Variants in GSTCD observed in about 807,000 individuals in gnomAD.
GSTCD encodes the protein glutathione S-transferase C-terminal domain-containing protein.
GSTCD carries 44 observed loss-of-function variants against 68.3 expected under a neutral mutation model. The ratio of observed to expected loss-of-function variants is 0.64; its 90% CI spans 0.51 to 0.83. GSTCD has a LOEUF of 0.83. Among genes scored for constraint, GSTCD ranks in the 40% least tolerant of loss-of-function variants. The pLI is 0.00. For synonymous variants in GSTCD, 273 were observed against 255.2 expected (o/e 1.07, Z -0.67); for missense variants, 739 against 735.9 (o/e 1.00, Z -0.05).
intron 5 of GSTCD, among the ~76,000 whole-genome samples, chr4:105,745,602 A>G (rs1005696048): frequency 6.6e-6 from 1 of 152,192 alleles, no homozygotes; most frequent in Non-Finnish European, 1.5e-5. Flanking sequence ...CTCTGAGTAT[A>G]AAAGAGGGTT....
chr4:105,728,958 T>G (rs1156773737), intron 4 of GSTCD, among the ~76,000 whole-genome samples: 7 of 152,168 alleles, frequency 4.6e-5, no homozygotes, highest in Non-Finnish European at 1.0e-4. Flanking sequence ...AGTGGTATTT[T>G]GGGGTATGTG....
intron 7 of GSTCD, 52 bp downstream of exon 7, chr4:105,823,327 G>A (rs367994020): frequency 7.6e-6 from 12 of 1,576,768 alleles, no homozygotes; most frequent in Non-Finnish European, 1.0e-5. Flanking sequence ...ATACAGTTCA[G>A]CTAGCCAAAT....
Position 105,798,962 on chromosome 4 carries a change from A to G in GSTCD, c.1241-23992A>G, listed in dbSNP as rs567648544. Among the ~76,000 whole-genome samples, 37 of 152,332 alleles carry G rather than the reference A, an allele frequency of 2.4e-4. No individual in the cohort carries two copies. The East Asian group carries it at 7.1e-3, about 29-fold the overall frequency. On this transcript the variant is annotated intron_variant, in intron 5 of 11. Transcript: ENST00000515279. ...TAGAGGGCTAGTTTATCTACATTGA[A>G]AAATCTGTTCTTTAGTGGAGCCACC...
rs1202165071 is a variant in GSTCD, at chr4:105,842,109, G to C, written c.1740G>C (p.Gln580His). 2 of 1,613,992 alleles carry C rather than the reference G, an allele frequency of 1.2e-6. No individual in the cohort carries two copies. The highest frequency in any genetic ancestry group is 1.7e-6 in the Non-Finnish European group (2 of 1,179,922). Residue 580 changes from glutamine (Q) to histidine (H), a missense_variant, in exon 11 of 12, where the codon CAG (glutamine) becomes CAC (histidine). By Grantham distance (24) the Gln-to-His change is conservative. Coordinates refer to ENST00000515279, the MANE Select transcript of GSTCD (RefSeq NM_001370181.1). ...GATTTGCAGACCAGACAGCTGTCCAGCTCCCACCCCAACGAAGGCTCATAG... is the reference window on the plus strand; with the variant it reads ...GATTTGCAGACCAGACAGCTGTCCACCTCCCACCCCAACGAAGGCTCATAG... ...LCRFADQTAV[Q>H]LPPQRRLIGK...
At chr4:105,758,402 G>C (rs1440678316) in intron 5 of GSTCD, among the ~76,000 whole-genome samples, 1 of 152,118 alleles carries the variant, frequency 6.6e-6, no homozygotes, top group Non-Finnish European at 1.5e-5. Flanking sequence ...CTCATGTCTT[G>C]GTGCTGTCTT....
chr4:105,709,217 A>T (rs2149198680), intron 1 of GSTCD: 1 of 152,090 alleles, frequency 6.6e-6, no homozygotes, highest in South Asian at 2.1e-4. Flanking sequence ...GTGCGGGTTG[A>T]GGGCTCTGGG....
intron 5 of GSTCD, 44 bp downstream of exon 5, chr4:105,729,543 CTGTCTTCAGATA>C (rs1560798578): frequency 7.8e-7 from 1 of 1,287,314 alleles, no homozygotes; most frequent in African/African-American, 1.5e-5. Flanking sequence ...ACTTTGGATA[CTGTCTTCAGATA>C]TGTCTTCTAA....
chr4:105,804,615 T>C (rs1736259525), intron 5 of GSTCD, among the ~76,000 whole-genome samples: 1 of 152,122 alleles, frequency 6.6e-6, no homozygotes, highest in Non-Finnish European at 1.5e-5. Flanking sequence ...ATACTTATTC[T>C]ATTCTAAAAT....
chr4:105,791,392 C>CAAAAA (rs56388145), intron 5 of GSTCD, among the ~76,000 whole-genome samples: 1 of 57,322 alleles, frequency 1.7e-5, no homozygotes, highest in Admixed American at 1.8e-4. Flanking sequence ...GACTCCGTCT[C>CAAAAA]AAAAAAAAAA....
chr4:105,845,488 G>A lies in GSTCD; in HGVS notation c.1813G>A (p.Glu605Lys), dbSNP rs1258950951. The A allele has an allele frequency of 8.7e-6, 14 of 1,614,018 alleles. No individual in the cohort carries two copies. In the East Asian group the frequency reaches 3.1e-4, roughly 36 times the overall value. ...GGATCTGGATCGAGCAAGAGCTGCA[G>A]AAGAATGTGGATACTCCGTTCAAGT... Reference protein sequence around the residue: ...LVDLDRARAAEECGYSVQVIS... With the variant: ...LVDLDRARAAKECGYSVQVIS... The change falls in exon 12 of 12, where the codon GAA becomes AAA. Residue 605 changes from glutamate to lysine, a missense_variant. By Grantham distance (56) the Glu-to-Lys change is moderately conservative (BLOSUM62 1). Transcript: ENST00000515279.
At chr4:105,764,702 C>T (rs1438825833) in intron 5 of GSTCD, among the ~76,000 whole-genome samples, 4 of 152,106 alleles carry the variant, frequency 2.6e-5, no homozygotes, top group Admixed American at 6.5e-5. Context: ...TAATTACCTC[C>T]GTAAAGGTCC....
chr4:105,838,644 A>G (rs2149286670), intron 10 of GSTCD, among the ~76,000 whole-genome samples: 1 of 152,308 alleles, frequency 6.6e-6, no homozygotes, highest in South Asian at 2.1e-4. Flanking sequence ...AACACAAGAG[A>G]CCCACAGAGA....
At chr4:105,814,908 C>T (rs1490760902) in intron 5 of GSTCD, among the ~76,000 whole-genome samples, 2 of 152,160 alleles carry the variant, frequency 1.3e-5, no homozygotes. Flanking sequence ...TGCAAAACTG[C>T]CTTTGCGGTT....
intron 3 of GSTCD, among the ~76,000 whole-genome samples, chr4:105,725,220 G>C (rs1732992953): frequency 6.6e-6 from 1 of 151,994 alleles, no homozygotes; most frequent in Admixed American, 6.6e-5. Flanking sequence ...TTGTATAGCT[G>C]TACCACAGTT....
chr4:105,794,831 CTATCTATT>C lies in GSTCD; in HGVS notation c.1241-28115_1241-28108del, dbSNP rs1250027868. 5.1e-3 allele frequency among the ~76,000 whole-genome samples: 504 copies of C among 99,050 alleles called. 4 individuals carry two copies. The highest frequency in any genetic ancestry group is 0.017 in the African/African-American group (177 of 10,150). 65.0% of individuals were successfully genotyped at this position (99,050 alleles called of 152,430 possible). A position where few individuals can be genotyped will look rare whatever the true frequency, so the allele number is the denominator to read the frequency against. ...TTTTATTATTTCTGCTTTTATCTAT[CTATCTATT>C]TATCTATCTATCTATCTATCTATCT... On this transcript the variant is annotated intron_variant, in intron 5 of 11. Coordinates refer to ENST00000515279, the MANE Select transcript of GSTCD (RefSeq NM_001370181.1).
At chr4:105,731,042 G>GA (rs1041874044) in intron 5 of GSTCD, among the ~76,000 whole-genome samples, 3 of 152,144 alleles carry the variant, frequency 2.0e-5, no homozygotes, top group Non-Finnish European at 4.4e-5. Flanking sequence ...GATGGTTGTA[G>GA]ATGTGTGGTA....
chr4:105,796,642 A>G (rs1259519896), intron 5 of GSTCD, among the ~76,000 whole-genome samples: 1 of 151,964 alleles, frequency 6.6e-6, no homozygotes, highest in Non-Finnish European at 1.5e-5. Context: ...AATTGATCAT[A>G]TTTCTTTGCT....
At chr4:105,713,027 G>A (rs1732584335) in intron 1 of GSTCD, among the ~76,000 whole-genome samples, 1 of 151,968 alleles carries the variant, frequency 6.6e-6, no homozygotes, top group Admixed American at 6.6e-5. Context: ...TAATGAGTCA[G>A]GAAATCAATG....
At chr4:105,782,987 T>C (rs142730963) in intron 5 of GSTCD, among the ~76,000 whole-genome samples, 5 of 152,314 alleles carry the variant, frequency 3.3e-5, no homozygotes, top group African/African-American at 1.2e-4. Context: ...CAAAGTCATC[T>C]CATTGATAAT....
Sources: gnomAD v4.1 joint callset for allele counts (sites outside exome capture counted in the v4.1 genomes callset) on GRCh38, gnomAD v4.1.1 for gene constraint, MANE v1.5 for transcripts, NCBI Gene and HGNC (gene_info 2026-07-23, HGNC 2026-07-21) for gene names.